Variants in TMEM132B observed in about 807,000 individuals in gnomAD.
The protein encoded by TMEM132B is transmembrane protein 132B.
Under a neutral mutation model 90.8 loss-of-function variants are expected in TMEM132B, and 18 were observed. The observed-to-expected ratio is 0.20, with a 90% CI of 0.14 to 0.29. The LOEUF is 0.29. Ranked by LOEUF, TMEM132B falls within the 10% of genes least tolerant of loss-of-function variation. The pLI, the probability that TMEM132B is intolerant of heterozygous loss-of-function variation, is 1.00. For missense variants in TMEM132B, 1,096 were observed against 1,326.8 expected (o/e 0.83, Z 2.70); for synonymous variants, 504 against 523.3 (o/e 0.96, Z 0.50).
chr12:125,452,517 A>T (rs567345623), intron 3 of TMEM132B, among the ~76,000 whole-genome samples: 6 of 152,210 alleles, frequency 3.9e-5, no homozygotes, highest in African/African-American at 1.4e-4. Context: ...ATGCTAGGTT[A>T]TAGCTATTGA....
At chr12:125,582,933 G>GA (rs1885088305) in intron 4 of TMEM132B, among the ~76,000 whole-genome samples, 1 of 152,218 alleles carries the variant, frequency 6.6e-6, no homozygotes, top group African/African-American at 2.4e-5. Flanking sequence ...AGGAGCAGGA[G>GA]AGAGAGTAAA....
chr12:125,433,507 CT>C (rs540659092), intron 3 of TMEM132B, among the ~76,000 whole-genome samples: 23,003 of 139,930 alleles, frequency 0.16, 2,586 homozygotes, highest in African/African-American at 0.32. Flanking sequence ...TTTGTATTTT[CT>C]TTTTTTTTTT....
chr12:125,377,608 T>G (rs1202135269), intron 2 of TMEM132B, among the ~76,000 whole-genome samples: 3 of 152,202 alleles, frequency 2.0e-5, no homozygotes, highest in African/African-American at 7.2e-5. Flanking sequence ...GAACAGGGCC[T>G]GGCTCAGGGA....
rs147219900 is a variant in TMEM132B at position 125,384,056 on chromosome 12, C to T, written c.960-31475C>T. On this transcript the variant is annotated intron_variant, in intron 2 of 8. Coordinates refer to ENST00000682704, the MANE Select transcript of TMEM132B (RefSeq NM_001366854.1). Reference sequence around the variant, plus strand: ...CTGCCTCCTGGGTTCAAGCGATTCTCCTGCCTCAGCTTCCCAAGTAGCTGG... The same window carrying T: ...CTGCCTCCTGGGTTCAAGCGATTCTTCTGCCTCAGCTTCCCAAGTAGCTGG... Among the ~76,000 whole-genome samples, 564 of 152,280 alleles carry T rather than the reference C, an allele frequency of 3.7e-3. 6 individuals are homozygous for T. Among genetic ancestry groups the T allele is most frequent in the African/African-American group, 0.012 (511 of 41,558 alleles).
intron 1 of TMEM132B, among the ~76,000 whole-genome samples, chr12:125,239,215 G>A (rs1354423508): frequency 3.3e-5 from 5 of 152,062 alleles, no homozygotes; most frequent in Admixed American, 1.3e-4. Flanking sequence ...AAGAGTGTGA[G>A]ATTTTGTGGT....
At chr12:125,620,223 A>G (rs532019313) in intron 5 of TMEM132B, among the ~76,000 whole-genome samples, 1 of 152,328 alleles carries the variant, frequency 6.6e-6, no homozygotes, top group Non-Finnish European at 1.5e-5. Context: ...ACATAGACAT[A>G]CCTTTCAAGA....
intron 4 of TMEM132B, among the ~76,000 whole-genome samples, chr12:125,542,432 A>C (rs548958759): frequency 4.6e-5 from 7 of 152,178 alleles, no homozygotes; most frequent in Non-Finnish European, 8.8e-5. Context: ...CATCACTACC[A>C]TCCATCTCCA....
At chr12:125,617,344 CTTT>C (rs772003323) in intron 5 of TMEM132B, among the ~76,000 whole-genome samples, 2 of 135,190 alleles carry the variant, frequency 1.5e-5, no homozygotes, top group Non-Finnish European at 1.6e-5. Flanking sequence ...TTTCACTGCC[CTTT>C]TTTTTTTTTT....
At chr12:125,426,647 C>T (rs1487774580) in intron 3 of TMEM132B, among the ~76,000 whole-genome samples, 1 of 152,218 alleles carries the variant, frequency 6.6e-6, no homozygotes. Context: ...GTGGCCACGT[C>T]AAGGTGTTTC....
At chr12:125,355,027 CAT>C (rs1877722066) in intron 2 of TMEM132B, among the ~76,000 whole-genome samples, 1 of 151,824 alleles carries the variant, frequency 6.6e-6, no homozygotes, top group Non-Finnish European at 1.5e-5. Context: ...TGCAGGCCTG[CAT>C]GTGTGAGTTG....
chr12:125,429,899 G>C (rs1880445710), intron 3 of TMEM132B, among the ~76,000 whole-genome samples: 1 of 152,178 alleles, frequency 6.6e-6, no homozygotes, highest in Non-Finnish European at 1.5e-5. Context: ...CTCTTTGCAA[G>C]GAGGGCACAG....
At chr12:125,270,944 A>T (rs979954322) in intron 1 of TMEM132B, among the ~76,000 whole-genome samples, 1 of 139,012 alleles carries the variant, frequency 7.2e-6, no homozygotes, top group Non-Finnish European at 1.6e-5. Flanking sequence ...TGGGAAACAT[A>T]GTTGTTTTTT....
intron 1 of TMEM132B, among the ~76,000 whole-genome samples, chr12:125,320,568 C>A (rs922137336): frequency 2.0e-5 from 3 of 152,070 alleles, no homozygotes; most frequent in African/African-American, 7.2e-5. Context: ...GGAGAAGGGA[C>A]AGGTTTGTTT....
chr12:125,252,960 G>T (rs2136103741), intron 1 of TMEM132B, among the ~76,000 whole-genome samples: 1 of 152,350 alleles, frequency 6.6e-6, no homozygotes, highest in East Asian at 1.9e-4. Context: ...GGGGTTAACT[G>T]TAAGACGAAA....
At chr12:125,484,173 T>C (rs899326841) in intron 3 of TMEM132B, among the ~76,000 whole-genome samples, 1 of 152,204 alleles carries the variant, frequency 6.6e-6, no homozygotes, top group African/African-American at 2.4e-5. Context: ...GTGCTGGGAT[T>C]ACAGGCATGA....
rs756450102 is a variant in TMEM132B, at chr12:125,349,896, A to C, written c.512A>C (p.Glu171Ala). 1.9e-6 allele frequency: 3 copies of C among 1,614,218 alleles called. No homozygotes were observed. Among genetic ancestry groups the C allele is most frequent in the Non-Finnish European group, 2.5e-6 (3 of 1,180,042 alleles). ...TGTGTCAAGATGTTTGCTTTCCCTGAGGCCAGGGAAGTGGCAGCCAGCTGT... is the reference window on the plus strand; with the variant it reads ...TGTGTCAAGATGTTTGCTTTCCCTGCGGCCAGGGAAGTGGCAGCCAGCTGT... ...LPCVKMFAFP[E>A]AREVAASCRL... is the part of the protein sequence containing the mutation. The change falls in exon 2 of 9, where the codon GAG becomes GCG. Residue 171 changes from glutamate to alanine, a missense_variant. By Grantham distance (107) the Glu-to-Ala change is moderately radical. Coordinates refer to ENST00000682704, the MANE Select transcript of TMEM132B (RefSeq NM_001366854.1). This position sits in a 1 kb window ranked among gnomAD's most constrained non-coding sequence, Gnocchi z 4.1.
intron 1 of TMEM132B, among the ~76,000 whole-genome samples, chr12:125,189,195 T>G (rs113240463): frequency 0.045 from 6,833 of 152,308 alleles, 211 homozygotes; most frequent in African/African-American, 0.087. Flanking sequence ...CATATGGAAC[T>G]GTACTTGGTA....
At chr12:125,514,821 T>A (rs1287324355) in intron 3 of TMEM132B, among the ~76,000 whole-genome samples, 1 of 152,118 alleles carries the variant, frequency 6.6e-6, no homozygotes, top group Non-Finnish European at 1.5e-5. Flanking sequence ...CCGCATGTGG[T>A]CCTGGGGACA....
chr12:125,483,297 G>A (rs1015386657), intron 3 of TMEM132B, among the ~76,000 whole-genome samples: 1 of 152,002 alleles, frequency 6.6e-6, no homozygotes, highest in Non-Finnish European at 1.5e-5. Flanking sequence ...ATAGTGATTG[G>A]AAAATATTCT....
Sources: gnomAD v4.1 joint callset for allele counts (sites outside exome capture counted in the v4.1 genomes callset) on GRCh38, gnomAD v4.1.1 for gene constraint, Gnocchi (gnomAD v3.1) non-coding constraint, MANE v1.5 for transcripts, NCBI Gene and HGNC (gene_info 2026-07-23, HGNC 2026-07-21) for gene names.